Variants in USH2A observed in about 807,000 individuals in gnomAD.
The protein encoded by USH2A is usherin.
Under a neutral mutation model 538.9 loss-of-function variants are expected in USH2A, and 443 were observed. The observed-to-expected ratio is 0.82, with a 90% CI of 0.76 to 0.89. USH2A has a LOEUF of 0.89. Ranked by LOEUF, USH2A falls within the 40% of genes least tolerant of loss-of-function variation. The pLI, the probability that USH2A is intolerant of heterozygous loss-of-function variation, is 0.00. For synonymous variants in USH2A, 2,413 were observed against 2,273.5 expected (o/e 1.06, Z -1.75); for missense variants, 6,633 against 6,324.8 (o/e 1.05, Z -1.65).
At chr1:216,295,210 A>C (rs1425627198) in intron 9 of USH2A, among the ~76,000 whole-genome samples, 1 of 151,826 alleles carries the variant, frequency 6.6e-6, no homozygotes, top group Admixed American at 6.6e-5. Flanking sequence ...TTTTTGTAAA[A>C]AAATAAAAAA....
chr1:216,323,643 G>A lies in USH2A; in HGVS notation c.1381C>T (p.Pro461Ser). 1 of 1,613,546 alleles carries A rather than the reference G, an allele frequency of 6.2e-7. No individual in the cohort carries two copies. The highest frequency in any genetic ancestry group is 8.5e-7 in the Non-Finnish European group (1 of 1,179,706). ...TTATTGTATCCAGGACGATAATTTG[G>A]TCCAGGTGTCAGGATGCTAAATGTG... ...NVTFSILTPGPNYRPGYNNFY... is the reference protein window; with the variant it reads ...NVTFSILTPGSNYRPGYNNFY... The change falls in exon 8 of 72, where the codon CCA (proline) becomes TCA (serine). Residue 461 changes from proline to serine, a missense_variant. Physicochemically the swap from Pro to Ser is moderately conservative, Grantham distance 74. Transcript: ENST00000307340.
rs79018473 is a variant in USH2A, at chr1:216,263,316, C to T, written c.1972-12218G>A. Among the ~76,000 whole-genome samples the T allele has an allele frequency of 4.1e-4, 62 of 152,084 alleles. No individual in the cohort carries two copies. In the East Asian group the frequency reaches 0.011, roughly 27 times the overall value. On this transcript the variant is annotated intron_variant, in intron 11 of 71. Transcript: ENST00000307340. ...CCTGATAGCAAAACCAAATATGCAA[C>T]AGCAAAAACTACAGGCCAATATTCC...
At chr1:215,782,675 C>T (rs1296990266) in intron 53 of USH2A, 63 bp downstream of exon 53, 1 of 1,542,694 alleles carries the variant, frequency 6.5e-7, no homozygotes, top group Non-Finnish European at 8.9e-7. Context: ...AGATTGTACT[C>T]ATTTCAATTT....
At chr1:215,751,509 A>T (rs1400896815) in intron 58 of USH2A, among the ~76,000 whole-genome samples, 1 of 152,118 alleles carries the variant, frequency 6.6e-6, no homozygotes, top group Non-Finnish European at 1.5e-5. Flanking sequence ...AAGACTCATT[A>T]TTACCTTCAG....
chr1:215,687,308 G>T (rs905631476), intron 61 of USH2A, among the ~76,000 whole-genome samples: 3 of 151,876 alleles, frequency 2.0e-5, no homozygotes, highest in African/African-American at 4.8e-5. Flanking sequence ...TCACTTTAAT[G>T]CTTTTACTCC....
rs1382237046 is a variant in USH2A, at chr1:215,900,849, C to T, written c.7357G>A (p.Val2453Ile). The T allele has an allele frequency of 6.2e-7, 1 of 1,613,690 alleles. No individual in the cohort carries two copies. Among genetic ancestry groups the T allele is most frequent in the Admixed American group, 1.7e-5 (1 of 59,958 alleles). Reference sequence around the variant, plus strand: ...TTACGAGCTGGTGTAGACCAGACAACCTGAAGACTGGTTGGAGTGGCAGAT... The same window carrying T: ...TTACGAGCTGGTGTAGACCAGACAATCTGAAGACTGGTTGGAGTGGCAGAT... The part of the protein sequence containing the change: ...LSSATPTSLQ[V>I]VWSTPARNNA... The change falls in exon 39 of 72, where the codon GTT (valine) becomes ATT (isoleucine). Residue 2453 changes from valine to isoleucine, a missense_variant. Val to Ile is a conservative substitution (Grantham distance 29). Coordinates refer to ENST00000307340, the MANE Select transcript of USH2A (RefSeq NM_206933.4).
At chr1:215,629,965 C>T (rs1288709477) in intron 70 of USH2A, 6 of 373,986 alleles carry the variant, frequency 1.6e-5, no homozygotes, top group South Asian at 4.2e-5. Flanking sequence ...TTAGTAGAGA[C>T]GGGGTTTCAC....
intron 3 of USH2A, among the ~76,000 whole-genome samples, chr1:216,373,448 A>G (rs1032769580): frequency 2.0e-5 from 3 of 152,094 alleles, no homozygotes; most frequent in Admixed American, 1.3e-4. Flanking sequence ...ATGCAGCTCA[A>G]TCAGTAGTTT....
chr1:216,148,189 G>A (rs1476739853), intron 21 of USH2A, among the ~76,000 whole-genome samples: 2 of 151,678 alleles, frequency 1.3e-5, no homozygotes, highest in East Asian at 1.9e-4. Context: ...TAACTGTTGT[G>A]GGTATTGATG....
At chr1:216,202,526 T>C (rs1477600265) in intron 16 of USH2A, among the ~76,000 whole-genome samples, 1 of 152,242 alleles carries the variant, frequency 6.6e-6, no homozygotes, top group Non-Finnish European at 1.5e-5. Context: ...GTTGCTCTCC[T>C]TGGTTGGGGT....
At chr1:216,055,689 G>A (rs1475740392) in intron 30 of USH2A, among the ~76,000 whole-genome samples, 2 of 152,142 alleles carry the variant, frequency 1.3e-5, no homozygotes, top group African/African-American at 4.8e-5. Flanking sequence ...TTCTCCTCTG[G>A]TTCTTAGCCC....
rs2102661605 is a variant in USH2A, at chr1:215,671,303, A to G, written c.13812-10T>C. On this transcript the variant is annotated splice_polypyrimidine_tract_variant and intron_variant, in intron 63 of 71. Transcript: ENST00000307340. ...AATTCGTATTTCATACCTTCAGGAC[A>G]TAAGGCAGAAATTAGTGATTTTCAG... 6.2e-7 allele frequency: 1 copy of G among 1,613,976 alleles called. No homozygotes were observed. Among genetic ancestry groups the G allele is most frequent in the Non-Finnish European group, 8.5e-7 (1 of 1,179,956 alleles).
chr1:215,677,450 A>T (rs1026903631), intron 62 of USH2A, among the ~76,000 whole-genome samples: 5 of 152,088 alleles, frequency 3.3e-5, no homozygotes, highest in African/African-American at 1.2e-4. Context: ...TTTCATCTAA[A>T]TGGCTTTAAT....
At chr1:215,829,811 T>A (rs537642300) in intron 47 of USH2A, among the ~76,000 whole-genome samples, 1 of 152,316 alleles carries the variant, frequency 6.6e-6, no homozygotes, top group Non-Finnish European at 1.5e-5. Context: ...AGATTTTACA[T>A]GCCAATATTT....
chr1:215,735,867 C>A (rs774118805), intron 60 of USH2A, among the ~76,000 whole-genome samples: 30 of 152,148 alleles, frequency 2.0e-4, no homozygotes, highest in Non-Finnish European at 3.8e-4. Flanking sequence ...TGGCTTTGGA[C>A]AACATATCTA....
intron 3 of USH2A, among the ~76,000 whole-genome samples, chr1:216,390,939 T>C (rs1356235474): frequency 6.6e-6 from 1 of 152,204 alleles, no homozygotes; most frequent in Non-Finnish European, 1.5e-5. Context: ...ATTACAGCAT[T>C]CTGTCCAGAG....
At chr1:216,236,639 A>C (rs913752143) in intron 13 of USH2A, among the ~76,000 whole-genome samples, 1 of 152,138 alleles carries the variant, frequency 6.6e-6, no homozygotes, top group Non-Finnish European at 1.5e-5. Flanking sequence ...GGTAAACATA[A>C]ATCTGTGAGT....
intron 4 of USH2A, among the ~76,000 whole-genome samples, chr1:216,360,830 T>C (rs1265654346): frequency 6.6e-6 from 1 of 152,124 alleles, no homozygotes; most frequent in African/African-American, 2.4e-5. Context: ...ATTACATTTA[T>C]GGGCTGGATA....
chr1:215,993,940 A>C (rs1039057912), intron 34 of USH2A, among the ~76,000 whole-genome samples: 1 of 152,184 alleles, frequency 6.6e-6, no homozygotes, highest in African/African-American at 2.4e-5. Context: ...TAAACTGCAA[A>C]TAATGTTTTA....
Sources: allele counts gnomAD v4.1 joint callset (sites outside exome capture counted in the v4.1 genomes callset), GRCh38; gene constraint gnomAD v4.1.1; transcripts MANE v1.5; gene names NCBI Gene and HGNC (gene_info 2026-07-23, HGNC 2026-07-21).